The following DGUOK variants were observed in gnomAD, a reference collection of about 807,000 sequenced individuals.
DGUOK encodes deoxyguanosine kinase, mitochondrial.
DGUOK carries 30 observed loss-of-function variants against 36.6 expected under a neutral mutation model. The observed-to-expected ratio is 0.82, with a 90% confidence interval of 0.61 to 1.11. The LOEUF (loss-of-function observed/expected upper bound fraction) is 1.11, where lower values mean the gene tolerates loss of function less well. DGUOK is among the 50% of genes most tolerant of loss of function. The pLI, the probability that DGUOK is intolerant of heterozygous loss-of-function variation, is 0.00. For synonymous variants in DGUOK, 145 were observed against 126.3 expected (o/e 1.15, Z -0.99); for missense variants, 361 against 336.4 (o/e 1.07, Z -0.57).
rs767354006 is a variant in DGUOK, at chr2:73,950,669, C to G, written c.528C>G (p.Leu176=). Residue 176 remains leucine, a synonymous_variant, in exon 4 of 7, where the codon CTC becomes CTG. Transcript: ENST00000264093. ...WHIYQDWHSF[L]LWEFASRITL... ...TCTATCAGGACTGGCATTCTTTTCTCCTGTGGGAGTTTGCCAGCCGGATCA... is the reference window on the plus strand; with the variant it reads ...TCTATCAGGACTGGCATTCTTTTCTGCTGTGGGAGTTTGCCAGCCGGATCA... The G allele has an allele frequency of 6.2e-6, 10 of 1,614,174 alleles. No homozygotes were observed. The highest frequency in any genetic ancestry group is 6.8e-6 in the Non-Finnish European group (8 of 1,180,026).
Position 73,946,759 on chromosome 2 carries a change from T to G in DGUOK, c.296T>G (p.Met99Arg). The change falls in exon 3 of 7, where the codon ATG becomes AGG. Residue 99 changes from methionine to arginine, a missense_variant. Met to Arg is a moderately conservative substitution (Grantham distance 91). Coordinates refer to ENST00000264093, the MANE Select transcript of DGUOK (RefSeq NM_080916.3). The stretch of plus-strand genomic sequence containing the variant: ...AGTCTTGGAAACTTGCTGGATATGA[T>G]GTACCGGGAGCCAGCACGATGGTCC... ...AQSLGNLLDM[M>R]YREPARWSYT... 1 of 1,614,202 alleles carries G rather than the reference T, an allele frequency of 6.2e-7. No homozygotes were observed. Among genetic ancestry groups the G allele is most frequent in the Middle Eastern group, 1.7e-4 (1 of 6,052 alleles).
At chr2:73,928,326 C>T (rs972978726) in intron 1 of DGUOK, among the ~76,000 whole-genome samples, 6 of 152,176 alleles carry the variant, frequency 3.9e-5, no homozygotes, top group African/African-American at 1.4e-4. Context: ...CAGGGTTTCA[C>T]CATGTTGGCC....
At chr2:73,954,361 AT>A (rs112319458) in intron 4 of DGUOK, among the ~76,000 whole-genome samples, 7 of 147,808 alleles carry the variant, frequency 4.7e-5, no homozygotes, top group African/African-American at 7.4e-5. Context: ...GAATAAATAA[AT>A]TTTTTTTTTT....
chr2:73,947,311 C>T (rs914132964), intron 3 of DGUOK, among the ~76,000 whole-genome samples: 8 of 150,932 alleles, frequency 5.3e-5, no homozygotes, highest in African/African-American at 1.2e-4. Context: ...AAAAAGCAGA[C>T]GAAATTAAAA....
rs150816810 is a variant in DGUOK at position 73,958,780 on chromosome 2, T to C, written c.*44T>C. The C allele has an allele frequency of 2.0e-5, 31 of 1,567,646 alleles. No individual in the cohort carries two copies. The highest frequency in any genetic ancestry group is 1.6e-4 in the African/African-American group (12 of 74,114). On this transcript the variant is annotated 3_prime_UTR_variant, in exon 7 of 7. Coordinates refer to ENST00000264093, the MANE Select transcript of DGUOK (RefSeq NM_080916.3). ...GGCTGTGATCTGGGCTCCCTGACTTTCTGAAGCTAGAAAAATGTTGTGTCT... is the reference window on the plus strand; with the variant it reads ...GGCTGTGATCTGGGCTCCCTGACTTCCTGAAGCTAGAAAAATGTTGTGTCT...
intron 2 of DGUOK, among the ~76,000 whole-genome samples, chr2:73,941,195 G>A (rs1374717212): frequency 2.0e-5 from 3 of 152,164 alleles, no homozygotes; most frequent in African/African-American, 7.2e-5. Flanking sequence ...GAACAGGTAC[G>A]TGAGTCTTTT....
intron 2 of DGUOK, among the ~76,000 whole-genome samples, chr2:73,942,648 A>G (rs537216697): frequency 1.4e-4 from 22 of 152,182 alleles, no homozygotes; most frequent in Non-Finnish European, 2.8e-4. Context: ...TTGTCTCTAA[A>G]TAGTAATCAT....
intron 3 of DGUOK, among the ~76,000 whole-genome samples, chr2:73,948,338 A>G (rs1464046007): frequency 6.6e-6 from 1 of 152,260 alleles, no homozygotes; most frequent in Non-Finnish European, 1.5e-5. Flanking sequence ...AAATGCATTA[A>G]GAAGCTGCAT....
At chr2:73,929,090 C>T (rs1680817349) in intron 1 of DGUOK, among the ~76,000 whole-genome samples, 2 of 151,990 alleles carry the variant, frequency 1.3e-5, no homozygotes, top group South Asian at 4.1e-4. Flanking sequence ...CTTTTATTTC[C>T]TCCTCTCCTT....
intron 3 of DGUOK, 72 bp downstream of exon 3, chr2:73,946,978 T>A: frequency 7.8e-7 from 1 of 1,281,820 alleles, no homozygotes; most frequent in Non-Finnish European, 1.1e-6. Context: ...GCACAGATCC[T>A]GCACTGCTAT....
At chr2:73,956,348 A>G (rs1683087658) in intron 4 of DGUOK, among the ~76,000 whole-genome samples, 1 of 152,208 alleles carries the variant, frequency 6.6e-6, no homozygotes, top group South Asian at 2.1e-4. Context: ...AGATATTTCA[A>G]ATTACCTAAC....
chr2:73,956,874 G>A (rs1251706586), intron 4 of DGUOK, among the ~76,000 whole-genome samples: 1 of 152,198 alleles, frequency 6.6e-6, no homozygotes, highest in Non-Finnish European at 1.5e-5. Flanking sequence ...TCCGTGGCTT[G>A]GATGACTGGA....
chr2:73,957,035 C>T (rs1228266314), intron 4 of DGUOK, 90 bp from the exon 5 acceptor site: 3 of 835,670 alleles, frequency 3.6e-6, no homozygotes, highest in African/African-American at 1.7e-5. Flanking sequence ...CCAAGATAGA[C>T]ATTATGGGTG....
Position 73,946,449 on chromosome 2 carries a change from T to G in DGUOK, c.256-270T>G, listed in dbSNP as rs141697934. 1.2e-3 allele frequency among the ~76,000 whole-genome samples: 188 copies of G among 152,350 alleles called. 1 individual carries two copies. Among genetic ancestry groups the G allele is most frequent in the African/African-American group, 4.4e-3 (184 of 41,576 alleles). On this transcript the variant is annotated intron_variant, in intron 2 of 6. Transcript: ENST00000264093. ...TGATCGTGTTAATTCTATATATGGT[T>G]CTTCCTCTGCTTTTGTTATATTGAA...
rs182536755 is a variant in DGUOK, at chr2:73,946,928, C to G, written c.443+22C>G. On this transcript the variant is annotated intron_variant, in intron 3 of 6. Coordinates refer to ENST00000264093, the MANE Select transcript of DGUOK (RefSeq NM_080916.3). ...ACAGGTAAAATGCCAAGCCCTCCAC[C>G]AGTCACAAGCCCCATGCTCAGTGCT... 605 of 1,596,820 alleles carry G rather than the reference C, an allele frequency of 3.8e-4. 8 individuals are homozygous for G. In the South Asian group the frequency reaches 5.4e-3, roughly 14 times the overall value.
chr2:73,931,089 C>T (rs1680999172), intron 1 of DGUOK, among the ~76,000 whole-genome samples: 1 of 152,120 alleles, frequency 6.6e-6, no homozygotes, highest in African/African-American at 2.4e-5. Flanking sequence ...AGCCACCGTG[C>T]CTGGCCGACT....
At chr2:73,942,328 T>G (rs1190698470) in intron 2 of DGUOK, among the ~76,000 whole-genome samples, 16 of 152,224 alleles carry the variant, frequency 1.1e-4, no homozygotes, top group Non-Finnish European at 1.6e-4. Flanking sequence ...GATGTTAAAA[T>G]TGTAGCCCAG....
At chr2:73,930,516 G>A (rs1249217986) in intron 1 of DGUOK, among the ~76,000 whole-genome samples, 1 of 152,228 alleles carries the variant, frequency 6.6e-6, no homozygotes, top group Admixed American at 6.5e-5. Flanking sequence ...AAATCCCAGA[G>A]AGAGAACAGG....
chr2:73,950,450 G>T, intron 3 of DGUOK, 135 bp from the exon 4 acceptor site: 1 of 895,214 alleles, frequency 1.1e-6, no homozygotes, highest in Non-Finnish European at 1.8e-6. Context: ...TTGATGAGGA[G>T]CTAGAAAGGT....
Sources: allele counts gnomAD v4.1 joint callset (sites outside exome capture counted in the v4.1 genomes callset), GRCh38; gene constraint gnomAD v4.1.1; transcripts MANE v1.5; gene names NCBI Gene and HGNC (gene_info 2026-07-23, HGNC 2026-07-21).